NALCN: variants seen among roughly 807,000 people sequenced by gnomAD.
NALCN encodes the protein sodium leak channel NALCN.
A neutral mutation model predicts 225.3 loss-of-function variants in NALCN; 111 were observed. That is an observed-to-expected ratio of 0.49 (90% confidence interval 0.42 to 0.58). The LOEUF is 0.58. NALCN is among the 20% of genes least tolerant of loss of function. The pLI is 0.00. For synonymous variants in NALCN, 764 were observed against 769.0 expected, an observed-to-expected ratio of 0.99 and a Z score of 0.11; for missense variants, 1,378 against 2,202.4, an observed-to-expected ratio of 0.63 and a Z score of 7.49.
At chr13:101,345,204 C>A in intron 7 of NALCN, 62 bp downstream of exon 7, 1 of 1,497,882 alleles carries the variant, frequency 6.7e-7, no homozygotes, top group Admixed American at 1.9e-5. Flanking sequence ...TTTAATTATT[C>A]TGTCCACTTC....
At chr13:101,340,254 C>A (rs1343811175) in intron 7 of NALCN, among the ~76,000 whole-genome samples, 1 of 149,002 alleles carries the variant, frequency 6.7e-6, no homozygotes, top group African/African-American at 2.5e-5. Context: ...GGCGACAGAC[C>A]GAGACTCCAT....
chr13:101,340,629 A>C (rs1319105631), intron 7 of NALCN, among the ~76,000 whole-genome samples: 1 of 152,190 alleles, frequency 6.6e-6, no homozygotes, highest in Non-Finnish European at 1.5e-5. Flanking sequence ...AGAGTTAATT[A>C]CTTTCCTAAG....
intron 40 of NALCN, among the ~76,000 whole-genome samples, chr13:101,063,263 G>C (rs1003307801): frequency 1.3e-5 from 2 of 152,134 alleles, no homozygotes; most frequent in Non-Finnish European, 2.9e-5. Flanking sequence ...GCTTCTCTTT[G>C]CTAAATCTCT....
chr13:101,409,909 C>G (rs73567911), intron 1 of NALCN, among the ~76,000 whole-genome samples: 3,411 of 152,206 alleles, frequency 0.022, 113 homozygotes, highest in East Asian at 0.11. Context: ...TATGTTGAAG[C>G]TCTTATCTCT....
intron 16 of NALCN, 86 bp from the exon 17 acceptor site, chr13:101,143,307 C>A: frequency 7.3e-7 from 1 of 1,378,198 alleles, no homozygotes; most frequent in Admixed American, 2.5e-5. Context: ...TTTGCTTGAG[C>A]AAAGATAAAG....
Position 101,143,592 on chromosome 13 carries a change from G to T in NALCN, c.1977-371C>A, listed in dbSNP as rs112808004. On this transcript the variant is annotated intron_variant, in intron 16 of 43. Coordinates refer to ENST00000251127, the MANE Select transcript of NALCN (RefSeq NM_052867.4). ...CAATTCTCCTGCCTCAGCCTCCAGA[G>T]TAGCTGGGATTACAGGCATGCGCCA... is the stretch of plus-strand genomic sequence containing the variant. 1.7e-3 allele frequency among the ~76,000 whole-genome samples: 252 copies of T among 152,212 alleles called. 1 individual carries two copies. The highest frequency in any genetic ancestry group is 5.9e-3 in the African/African-American group (243 of 41,512).
At chr13:101,307,618 C>G (rs919000807) in intron 7 of NALCN, among the ~76,000 whole-genome samples, 1 of 152,118 alleles carries the variant, frequency 6.6e-6, no homozygotes, top group African/African-American at 2.4e-5. Flanking sequence ...AAATTCCTGT[C>G]TGGTATACTT....
intron 18 of NALCN, chr13:101,116,806 A>G: frequency 2.6e-6 from 1 of 388,980 alleles, no homozygotes; most frequent in Non-Finnish European, 5.1e-6. Flanking sequence ...GGTTAATGTA[A>G]TGTAATCACA....
intron 15 of NALCN, among the ~76,000 whole-genome samples, chr13:101,173,962 A>G (rs1321236548): frequency 6.6e-6 from 1 of 152,198 alleles, no homozygotes; most frequent in Non-Finnish European, 1.5e-5. Context: ...AAAATATGCA[A>G]ATGAGCCCTA....
intron 19 of NALCN, 91 bp from the exon 20 acceptor site, chr13:101,110,779 T>G (rs1566824915): frequency 2.3e-6 from 3 of 1,298,468 alleles, no homozygotes; most frequent in Non-Finnish European, 3.3e-6. Context: ...AAAACACTTT[T>G]TCTGCTACAA....
At chr13:101,192,341 G>A (rs1312042097) in intron 13 of NALCN, among the ~76,000 whole-genome samples, 1 of 152,114 alleles carries the variant, frequency 6.6e-6, no homozygotes, top group African/African-American at 2.4e-5. Context: ...AAGATCTTTG[G>A]TTTTTGCCGT....
At chr13:101,263,070 C>T (rs780786176) in intron 10 of NALCN, among the ~76,000 whole-genome samples, 4 of 152,210 alleles carry the variant, frequency 2.6e-5, no homozygotes, top group Non-Finnish European at 4.4e-5. Flanking sequence ...ATATCAGACT[C>T]AGCCCATAGT....
At chr13:101,160,412 G>A (rs956197147) in intron 15 of NALCN, among the ~76,000 whole-genome samples, 4 of 152,132 alleles carry the variant, frequency 2.6e-5, no homozygotes, top group Admixed American at 6.5e-5. Context: ...CTGACCAAGC[G>A]TGGGGAGGAG....
At chr13:101,160,957 GA>G (rs1313157444) in intron 15 of NALCN, among the ~76,000 whole-genome samples, 1 of 152,208 alleles carries the variant, frequency 6.6e-6, no homozygotes, top group Non-Finnish European at 1.5e-5. Context: ...GAGGAAAACA[GA>G]GACAGGTTGA....
At chr13:101,257,706 T>C (rs1413947754) in intron 11 of NALCN, among the ~76,000 whole-genome samples, 1 of 152,194 alleles carries the variant, frequency 6.6e-6, no homozygotes, top group Non-Finnish European at 1.5e-5. Context: ...GTCAATCAAT[T>C]TTTTTGTAAA....
rs1226884823 is a variant in NALCN, at chr13:101,271,846, GGT to G, written c.1134+12085_1134+12086del. ...CACCGTTTGTGAGTGTGCATTGTGA[GGT>G]GTGTGTGAGCATGCACGTGTGTGTA... On this transcript the variant is annotated intron_variant, in intron 10 of 43. Coordinates refer to ENST00000251127, the MANE Select transcript of NALCN (RefSeq NM_052867.4). 4.6e-5 allele frequency among the ~76,000 whole-genome samples: 7 copies of G among 151,410 alleles called. No individual in the cohort carries two copies. In the East Asian group the frequency reaches 7.8e-4, roughly 17 times the overall value.
rs182409037 is a variant in NALCN, at chr13:101,132,292, T to C, written c.2119-7611A>G. 5.4e-3 allele frequency among the ~76,000 whole-genome samples: 824 copies of C among 152,218 alleles called. 4 individuals carry two copies. The highest frequency in any genetic ancestry group is 7.7e-3 in the Non-Finnish European group (521 of 67,964). On this transcript the variant is annotated intron_variant, in intron 17 of 43. Coordinates refer to ENST00000251127, the MANE Select transcript of NALCN (RefSeq NM_052867.4). ...AAATAGTTTTAAATTTCTGAATGTG[T>C]AGGTTTTTTTGTGGTTATTTTCTTC... is the stretch of plus-strand genomic sequence containing the variant.
chr13:101,399,256 G>T, intron 1 of NALCN, 91 bp from the exon 2 acceptor site: 1 of 777,982 alleles, frequency 1.3e-6, no homozygotes, highest in Non-Finnish European at 2.1e-6. Flanking sequence ...TATTTGTAAG[G>T]CATATATGTG....
chr13:101,064,753 T>G (rs2032232989), intron 40 of NALCN, among the ~76,000 whole-genome samples: 2 of 152,128 alleles, frequency 1.3e-5, no homozygotes, highest in Non-Finnish European at 2.9e-5. Flanking sequence ...ATCTCGGGCT[T>G]CCAGCATCCA....
Sources: gnomAD v4.1 joint callset for allele counts (sites outside exome capture counted in the v4.1 genomes callset) on GRCh38, gnomAD v4.1.1 for gene constraint, MANE v1.5 for transcripts, NCBI Gene and HGNC (gene_info 2026-07-23, HGNC 2026-07-21) for gene names.